The following TACC2 variants were observed in gnomAD, a reference collection of about 807,000 sequenced individuals.
TACC2 encodes the protein transforming acidic coiled-coil containing protein 2, also known as transforming acidic coiled-coil-containing protein 2.
TACC2 carries 137 observed loss-of-function variants against 227.3 expected under a neutral mutation model. The observed-to-expected ratio is 0.60, with a 90% CI of 0.52 to 0.69. TACC2 has a LOEUF of 0.69. TACC2 is among the 30% of genes least tolerant of loss of function. TACC2 has a pLI of 0.00. For synonymous variants in TACC2, 1,523 were observed against 1,487.5 expected (o/e 1.02, Z -0.55); for missense variants, 3,470 against 3,694.4 (o/e 0.94, Z 1.57).
intron 2 of TACC2, among the ~76,000 whole-genome samples, chr10:122,043,778 C>T (rs1176169945): frequency 2.6e-5 from 4 of 152,298 alleles, no homozygotes. Context: ...TGAGGTTTCG[C>T]CATGTTGGCC....
intron 3 of TACC2, among the ~76,000 whole-genome samples, chr10:122,059,561 C>CT (rs34975198): frequency 8.6e-5 from 13 of 151,202 alleles, no homozygotes; most frequent in Admixed American, 5.9e-4. Context: ...GTTCTCTCCT[C>CT]TTTTTTTTTT....
In TACC2 at chr10:122,085,390, C is replaced by A; in HGVS notation, c.2890C>A (p.Pro964Thr). The A allele has an allele frequency of 6.2e-7, 1 of 1,613,986 alleles. No homozygotes were observed. Among genetic ancestry groups the A allele is most frequent in the South Asian group, 1.1e-5 (1 of 91,084 alleles). Reference sequence around the variant, plus strand: ...TGGTCAGTCCTCGAGGGTCTCGCCTCCAGCAGCAGATGTCTTAAAAGACTT... The same window carrying A: ...TGGTCAGTCCTCGAGGGTCTCGCCTACAGCAGCAGATGTCTTAAAAGACTT... ...GDGQSSRVSPPAADVLKDFSL... is the reference protein window; with the variant it reads ...GDGQSSRVSPTAADVLKDFSL... The change falls in exon 4 of 23, where the codon CCA (proline) becomes ACA (threonine). Residue 964 changes from proline (P) to threonine (T), a missense_variant. By Grantham distance (38) the Pro-to-Thr change is conservative (BLOSUM62 -1). Transcript: ENST00000369005.
chr10:122,015,106 T>TAAA (rs10590944), intron 1 of TACC2, among the ~76,000 whole-genome samples: 1 of 147,396 alleles, frequency 6.8e-6, no homozygotes, highest in Admixed American at 6.8e-5. Context: ...TCATCTGCTA[T>TAAA]AAAAAAAAAA....
rs186803072 is a variant in TACC2, at chr10:122,227,257, T to C, written c.7725-580T>C. On this transcript the variant is annotated intron_variant, in intron 13 of 22. Transcript: ENST00000369005. ...GAGGGCTGATGTTTGGAGCAGTGCA[T>C]TGTTTGATCAAGTAAGTGTGGGCAT... Among the ~76,000 whole-genome samples, 36 of 152,304 alleles carry C rather than the reference T, an allele frequency of 2.4e-4. 2 individuals are homozygous for C. Among genetic ancestry groups the C allele is most frequent in the Admixed American group, 1.9e-3 (29 of 15,302 alleles).
intron 5 of TACC2, among the ~76,000 whole-genome samples, chr10:122,122,973 T>A (rs144448858): frequency 3.0e-4 from 45 of 152,324 alleles, no homozygotes; most frequent in Admixed American, 1.2e-3. Context: ...GGCCATAGTT[T>A]CTCCTCTGCT....
chr10:122,190,732 C>T (rs1297354835), intron 7 of TACC2, among the ~76,000 whole-genome samples: 1 of 152,144 alleles, frequency 6.6e-6, no homozygotes, highest in East Asian at 1.9e-4. Flanking sequence ...GGGTGCATCT[C>T]AGGACTCTTC....
intron 11 of TACC2, among the ~76,000 whole-genome samples, chr10:122,221,458 T>A (rs1016342745): frequency 6.6e-6 from 1 of 152,158 alleles, no homozygotes; most frequent in African/African-American, 2.4e-5. Flanking sequence ...CCTGTGTCCT[T>A]TAACACAGCT....
At chr10:122,030,818 G>C in intron 2 of TACC2, among the ~76,000 whole-genome samples, 1 of 152,046 alleles carries the variant, frequency 6.6e-6, no homozygotes, top group East Asian at 1.9e-4. Flanking sequence ...GGTGTGTCTG[G>C]CTGTGGGACT....
At chr10:122,230,729 G>A (rs1045934) in intron 16 of TACC2, among the ~76,000 whole-genome samples, 43,092 of 152,088 alleles carry the variant, frequency 0.28, 7,457 homozygotes, top group East Asian at 0.52. Flanking sequence ...GCCTAAGATG[G>A]CAAAGTTGGA....
chr10:122,072,256 C>T (rs2078170451), intron 3 of TACC2, among the ~76,000 whole-genome samples: 2 of 151,640 alleles, frequency 1.3e-5, no homozygotes, highest in Non-Finnish European at 2.9e-5. Flanking sequence ...TGCCCAGCTC[C>T]CCAGTAACTC....
chr10:122,228,314 A>G (rs555773153), intron 14 of TACC2, among the ~76,000 whole-genome samples: 1 of 152,228 alleles, frequency 6.6e-6, no homozygotes. Flanking sequence ...GTCGTTAAGC[A>G]GTCCTCTGCC....
At chr10:122,139,861 C>T (rs532870867) in intron 6 of TACC2, among the ~76,000 whole-genome samples, 6 of 152,190 alleles carry the variant, frequency 3.9e-5, no homozygotes, top group African/African-American at 7.2e-5. Context: ...ATCACCCTCC[C>T]GTGACAGCCT....
At chr10:122,010,301 G>A (rs1955762871) in intron 1 of TACC2, among the ~76,000 whole-genome samples, 2 of 152,118 alleles carry the variant, frequency 1.3e-5, no homozygotes, top group South Asian at 4.1e-4. Context: ...TTTAGCTTTG[G>A]GGTTCAAACT....
chr10:122,059,917 A>G (rs547576247), intron 3 of TACC2, among the ~76,000 whole-genome samples: 5 of 151,912 alleles, frequency 3.3e-5, no homozygotes, highest in Non-Finnish European at 5.9e-5. Context: ...TCACTGAACT[A>G]GAAACTCAGG....
chr10:122,167,828 A>G (rs1392076646), intron 7 of TACC2, among the ~76,000 whole-genome samples: 1 of 152,234 alleles, frequency 6.6e-6, no homozygotes, highest in East Asian at 1.9e-4. Context: ...AGAAGGCCAG[A>G]AACGGTCGCT....
intron 2 of TACC2, among the ~76,000 whole-genome samples, chr10:122,027,452 CCTACGAATGTCCAT>C (rs1162055963): frequency 4.6e-5 from 7 of 151,800 alleles, no homozygotes; most frequent in African/African-American, 1.7e-4. Flanking sequence ...TTTTTTTTAA[CCTACGAATGTCCAT>C]CTTTCTAACA....
At chr10:122,251,907 C>G (rs1448470311) in intron 22 of TACC2, among the ~76,000 whole-genome samples, 1 of 152,226 alleles carries the variant, frequency 6.6e-6, no homozygotes, top group Non-Finnish European at 1.5e-5. Flanking sequence ...CACACAGGTT[C>G]TTCCCTGAAA....
chr10:122,086,498 C>T lies in TACC2; in HGVS notation c.3998C>T (p.Pro1333Leu), dbSNP rs1397253374. 5.0e-6 allele frequency: 8 copies of T among 1,613,454 alleles called. No homozygotes were observed. In the Admixed American group the frequency reaches 1.2e-4, roughly 24 times the overall value. ...VDSMPCLDRM[P>L]LLAKGKQATG... ...TCCATGCCATGCCTGGACCGGATGC[C>T]ACTTCTGGCCAAGGGCAAGCAGGCA... Residue 1333 changes from proline to leucine, a missense_variant, in exon 4 of 23, where the codon CCA becomes CTA. Physicochemically the swap from Pro to Leu is moderately conservative, Grantham distance 98. Around this residue, in one of 10 missense-constraint regions of TACC2, gnomAD observed 1,924 missense variants for 1,978.3 expected, o/e 0.97. Coordinates refer to ENST00000369005, the MANE Select transcript of TACC2 (RefSeq NM_206862.4).
chr10:122,045,753 T>C (rs565639784), intron 2 of TACC2, among the ~76,000 whole-genome samples: 3 of 152,366 alleles, frequency 2.0e-5, no homozygotes, highest in Non-Finnish European at 2.9e-5. Flanking sequence ...AAGAATCAAA[T>C]GGATGTCAAA....
Sources: gnomAD v4.1 joint callset for allele counts (sites outside exome capture counted in the v4.1 genomes callset) on GRCh38, gnomAD v4.1.1 for gene constraint, gnomAD v4.1.1 regional missense constraint, MANE v1.5 for transcripts, NCBI Gene and HGNC (gene_info 2026-07-23, HGNC 2026-07-21) for gene names.